Variants in MAGI2 observed in about 807,000 individuals in gnomAD.
MAGI2 encodes the protein membrane associated guanylate kinase, WW and PDZ domain containing 2.
MAGI2 carries 35 observed loss-of-function variants against 133.3 expected under a neutral mutation model. The ratio of observed to expected loss-of-function variants is 0.26; its 90% CI spans 0.20 to 0.35. MAGI2 has a LOEUF of 0.35. MAGI2 is among the 10% of genes least tolerant of loss of function. The pLI, the probability that MAGI2 is intolerant of heterozygous loss-of-function variation, is 1.00. For synonymous variants in MAGI2, 729 were observed against 710.6 expected (o/e 1.03, Z -0.41); for missense variants, 1,636 against 1,863.4 (o/e 0.88, Z 2.25).
At chr7:79,385,435 A>G (rs940750974) in intron 1 of MAGI2, among the ~76,000 whole-genome samples, 4 of 151,866 alleles carry the variant, frequency 2.6e-5, no homozygotes, top group South Asian at 2.1e-4. Flanking sequence ...TTTTCTCCAC[A>G]CTTTTATTAT....
chr7:79,439,271 C>T (rs118056710), intron 1 of MAGI2, among the ~76,000 whole-genome samples: 6,668 of 152,128 alleles, frequency 0.044, 216 homozygotes, highest in Non-Finnish European at 0.069. Flanking sequence ...ATAATGTTTC[C>T]AATGGAACTG....
chr7:78,403,482 C>T (rs1357055062), intron 6 of MAGI2, among the ~76,000 whole-genome samples: 5 of 152,042 alleles, frequency 3.3e-5, no homozygotes, highest in South Asian at 2.1e-4. Flanking sequence ...GTCTTTATAG[C>T]AGCATGATTT....
chr7:78,305,667 A>C (rs1798192703), intron 9 of MAGI2, among the ~76,000 whole-genome samples: 2 of 152,132 alleles, frequency 1.3e-5, no homozygotes, highest in African/African-American at 2.4e-5. Flanking sequence ...GGGACTCAGG[A>C]ATCCTCTAGA....
At chr7:78,408,230 G>A (rs927434581) in intron 6 of MAGI2, among the ~76,000 whole-genome samples, 5 of 151,960 alleles carry the variant, frequency 3.3e-5, no homozygotes, top group East Asian at 3.9e-4. Flanking sequence ...TGGCTAAATC[G>A]AGGTGGAATG....
chr7:78,886,139 C>A (rs2151556190), intron 2 of MAGI2, among the ~76,000 whole-genome samples: 1 of 152,340 alleles, frequency 6.6e-6, no homozygotes, highest in Non-Finnish European at 1.5e-5. Context: ...ACATCCCCTG[C>A]AGATGTATTT....
At chr7:78,059,653 C>A (rs1391594378) in intron 21 of MAGI2, among the ~76,000 whole-genome samples, 1 of 152,144 alleles carries the variant, frequency 6.6e-6, no homozygotes, top group African/African-American at 2.4e-5. Context: ...GTCATTATTT[C>A]TGCTACTTGC....
intron 2 of MAGI2, among the ~76,000 whole-genome samples, chr7:78,816,689 G>A (rs536852119): frequency 6.6e-6 from 1 of 151,956 alleles, no homozygotes; most frequent in African/African-American, 2.4e-5. Context: ...TTACAACATG[G>A]GTTACTGAAT....
intron 6 of MAGI2, among the ~76,000 whole-genome samples, chr7:78,395,504 T>C (rs1316444534): frequency 6.6e-6 from 1 of 152,166 alleles, no homozygotes; most frequent in African/African-American, 2.4e-5. Context: ...TAATCAGCCA[T>C]TTGAATAGCA....
chr7:78,412,883 C>A (rs1442505259), intron 6 of MAGI2, among the ~76,000 whole-genome samples: 1 of 152,006 alleles, frequency 6.6e-6, no homozygotes, highest in Non-Finnish European at 1.5e-5. Context: ...TATAAATTTC[C>A]AATTTTTGAA....
At chr7:79,123,121 T>C (rs549761975) in intron 1 of MAGI2, among the ~76,000 whole-genome samples, 146 of 152,312 alleles carry the variant, frequency 9.6e-4, no homozygotes, top group African/African-American at 3.1e-3. Context: ...TGCAAACTAT[T>C]GTCTTCTGAA....
chr7:78,466,731 G>A (rs1790674238), intron 6 of MAGI2, among the ~76,000 whole-genome samples: 1 of 152,088 alleles, frequency 6.6e-6, no homozygotes, highest in Non-Finnish European at 1.5e-5. Context: ...TAAGTGTTCT[G>A]CAGGTATTAA....
intron 14 of MAGI2, among the ~76,000 whole-genome samples, chr7:78,169,064 T>C (rs1584243776): frequency 6.6e-6 from 1 of 152,314 alleles, no homozygotes; most frequent in East Asian, 1.9e-4. Flanking sequence ...AAGGTACCCG[T>C]CTAGGAAATG....
chr7:78,941,673 A>G (rs929900158), intron 2 of MAGI2, among the ~76,000 whole-genome samples: 52 of 151,070 alleles, frequency 3.4e-4, no homozygotes, highest in Admixed American at 6.6e-4. Flanking sequence ...TATCCCAGGG[A>G]AAAACCTCTC....
At chr7:78,567,214 A>G (rs925327994) in intron 3 of MAGI2, among the ~76,000 whole-genome samples, 16 of 152,174 alleles carry the variant, frequency 1.1e-4, no homozygotes, top group African/African-American at 3.9e-4. Context: ...CTTTTCTTCT[A>G]TTTCTCCTCT....
chr7:78,549,818 C>A (rs1799181495), intron 3 of MAGI2, among the ~76,000 whole-genome samples: 1 of 152,048 alleles, frequency 6.6e-6, no homozygotes, highest in South Asian at 2.1e-4. Flanking sequence ...TTAATAAGGG[C>A]CTATTTGTGT....
intron 1 of MAGI2, among the ~76,000 whole-genome samples, chr7:79,236,439 T>C (rs1831929460): frequency 6.6e-6 from 1 of 152,222 alleles, no homozygotes; most frequent in Non-Finnish European, 1.5e-5. Context: ...TGCTCAATAA[T>C]TGCGTATAAG....
intron 2 of MAGI2, among the ~76,000 whole-genome samples, chr7:78,843,175 C>A (rs1322811329): frequency 6.6e-6 from 1 of 151,840 alleles, no homozygotes; most frequent in Non-Finnish European, 1.5e-5. Flanking sequence ...TTGCAACTCC[C>A]AGGCCCCCAA....
intron 10 of MAGI2, among the ~76,000 whole-genome samples, chr7:78,244,715 T>C (rs1791575581): frequency 6.6e-6 from 1 of 152,192 alleles, no homozygotes; most frequent in Non-Finnish European, 1.5e-5. Flanking sequence ...CATAATATGA[T>C]TGAACATAGT....
chr7:79,079,138 A>G (rs896701816), intron 1 of MAGI2, among the ~76,000 whole-genome samples: 6 of 151,984 alleles, frequency 3.9e-5, no homozygotes, highest in African/African-American at 1.2e-4. Context: ...CCCCCTCCTC[A>G]TTTCTCAGCT....
Sources: gnomAD v4.1 joint callset for allele counts (sites outside exome capture counted in the v4.1 genomes callset) on GRCh38, gnomAD v4.1.1 for gene constraint, MANE v1.5 for transcripts, NCBI Gene and HGNC (gene_info 2026-07-23, HGNC 2026-07-21) for gene names.